The following RMST variants were observed in gnomAD, a reference collection of about 807,000 sequenced individuals.
RMST encodes the protein long intergenic non-protein coding RNA 54.
chr12:97,540,422 A>T lies in RMST; in HGVS notation n.1545+9563A>T, dbSNP rs534770691. On this transcript the variant is annotated intron_variant and non_coding_transcript_variant, in intron 11 of 13. Transcript: ENST00000640149. ...TTTTGGTTGGTTTATTGTCTGACCG[A>T]AGGAACTCTATAACATTTCACAAAG... Among the ~76,000 whole-genome samples the T allele has an allele frequency of 3.9e-3, 591 of 151,896 alleles. 3 individuals carry two copies. Among genetic ancestry groups the T allele is most frequent in the Non-Finnish European group, 6.8e-3 (458 of 67,772 alleles).
chr12:97,500,227 G>C (rs753355188), intron 10 of RMST, among the ~76,000 whole-genome samples: 4 of 152,178 alleles, frequency 2.6e-5, no homozygotes, highest in Non-Finnish European at 5.9e-5. Flanking sequence ...CTGGTAAACA[G>C]AAGCAGCCTG....
chr12:97,561,324 T>C (rs10860218), intron 13 of RMST, among the ~76,000 whole-genome samples: 36,443 of 152,136 alleles, frequency 0.24, 6,294 homozygotes, highest in African/African-American at 0.48. Flanking sequence ...TGTGAGTGCA[T>C]GTCCAGTAGT....
At chr12:97,502,322 C>G (rs1444451707) in intron 10 of RMST, among the ~76,000 whole-genome samples, 4 of 152,114 alleles carry the variant, frequency 2.6e-5, no homozygotes, top group Non-Finnish European at 5.9e-5. Flanking sequence ...TTATGGAGTG[C>G]ACACTTATGC....
Position 97,493,151 on chromosome 12 carries a change from C to T in RMST, n.791-26C>T, listed in dbSNP as rs947403008. 2.6e-5 allele frequency: 4 copies of T among 152,544 alleles called. 1 individual carries two copies. Among genetic ancestry groups the T allele is most frequent in the Non-Finnish European group, 5.9e-5 (4 of 68,030 alleles). The allele number at this position is 152,544 out of a possible 1,614,324, so 9.4% of individuals were successfully genotyped here. On this transcript the variant is annotated intron_variant and non_coding_transcript_variant, in intron 6 of 13. Coordinates refer to ENST00000640149, the Ensembl canonical transcript of RMST. ...ATGCTTAATTCATTCAGAAACTACA[C>T]GATTTTTGTTGCTATATTTTGTTAG...
chr12:97,534,620 C>T (rs980585546), intron 11 of RMST, among the ~76,000 whole-genome samples: 1 of 151,676 alleles, frequency 6.6e-6, no homozygotes, highest in Non-Finnish European at 1.5e-5. Context: ...TTATACTTTG[C>T]TAAATCCCAG....
At chr12:97,532,035 C>G (rs1158632688) in intron 11 of RMST, among the ~76,000 whole-genome samples, 2 of 151,710 alleles carry the variant, frequency 1.3e-5, no homozygotes, top group African/African-American at 2.4e-5. Flanking sequence ...AATTTTAAAG[C>G]CTTTCAGTGT....
intron 5 of RMST, among the ~76,000 whole-genome samples, chr12:97,485,167 C>A (rs1875933188): frequency 6.6e-6 from 1 of 152,168 alleles, no homozygotes; most frequent in Non-Finnish European, 1.5e-5. Context: ...AAATGGATAG[C>A]ATGGATTAAT....
rs533658687 is a variant in RMST, at chr12:97,545,799, C to G, written n.1546-14738C>G. On this transcript the variant is annotated intron_variant and non_coding_transcript_variant, in intron 11 of 13. Transcript: ENST00000640149. ...GCAAGTTCTAGTCTTATTTCTAACA[C>G]TGCAGGTTACCTATGACTCCACGTA... 2.6e-5 allele frequency among the ~76,000 whole-genome samples: 4 copies of G among 152,084 alleles called. No individual in the cohort carries two copies. In the South Asian group the frequency reaches 8.3e-4, roughly 32 times the overall value.
intron 10 of RMST, among the ~76,000 whole-genome samples, chr12:97,512,463 G>C (rs1879466085): frequency 6.6e-6 from 1 of 152,178 alleles, no homozygotes; most frequent in Non-Finnish European, 1.5e-5. Context: ...GAGCCAAGTG[G>C]TCTGTTTTGA....
At chr12:97,513,061 CGGAACTCGCGCAG>C (rs1879569755) in intron 10 of RMST, among the ~76,000 whole-genome samples, 2 of 152,236 alleles carry the variant, frequency 1.3e-5, no homozygotes, top group African/African-American at 4.8e-5. Flanking sequence ...CACGCCCACC[CGGAACTCGCGCAG>C]GCCCGCAAGC....
intron 11 of RMST, among the ~76,000 whole-genome samples, chr12:97,556,974 C>G (rs1185545760): frequency 6.6e-6 from 1 of 152,050 alleles, no homozygotes; most frequent in African/African-American, 2.4e-5. Context: ...TGCCAAAGTT[C>G]ATCTTCATAA....
chr12:97,563,997 G>T, intron 13 of RMST: 1 of 393,274 alleles, frequency 2.5e-6, no homozygotes. Context: ...GTATAGCTCT[G>T]CTACCTGCCT....
At chr12:97,539,583 C>T (rs757033030) in intron 11 of RMST, among the ~76,000 whole-genome samples, 12 of 151,538 alleles carry the variant, frequency 7.9e-5, no homozygotes, top group Non-Finnish European at 1.5e-4. Flanking sequence ...CAAAACGATG[C>T]CTGGGCACTT....
intron 5 of RMST, among the ~76,000 whole-genome samples, chr12:97,480,151 C>T: frequency 6.8e-6 from 1 of 147,930 alleles, no homozygotes. Context: ...AGTGCAGTGG[C>T]CTGATCTCGG....
intron 10 of RMST, among the ~76,000 whole-genome samples, chr12:97,511,075 AGAG>A (rs1879234086): frequency 6.6e-6 from 1 of 152,138 alleles, no homozygotes; most frequent in African/African-American, 2.4e-5. Context: ...AGACTGGAGC[AGAG>A]GAGGGAAATT....
intron 5 of RMST, among the ~76,000 whole-genome samples, chr12:97,468,079 C>G (rs1448028077): frequency 1.3e-5 from 2 of 151,974 alleles, no homozygotes; most frequent in African/African-American, 2.4e-5. Flanking sequence ...AAATATCACT[C>G]TGAGTTACTG....
At chr12:97,525,992 A>G (rs1881066837) in intron 10 of RMST, among the ~76,000 whole-genome samples, 1 of 151,978 alleles carries the variant, frequency 6.6e-6, no homozygotes, top group Non-Finnish European at 1.5e-5. Context: ...TGAGAATCTA[A>G]TGCCTGATGA....
intron 11 of RMST, among the ~76,000 whole-genome samples, chr12:97,552,809 G>A (rs1244135286): frequency 1.3e-5 from 2 of 152,172 alleles, no homozygotes; most frequent in Non-Finnish European, 2.9e-5. Flanking sequence ...GTTCATTTTA[G>A]TGCCTCTCGA....
intron 10 of RMST, among the ~76,000 whole-genome samples, chr12:97,509,238 G>T (rs1219599796): frequency 6.6e-6 from 1 of 152,110 alleles, no homozygotes; most frequent in Non-Finnish European, 1.5e-5. Context: ...TTCACCATAG[G>T]CATACAGCTG....
Sources: gnomAD v4.1 joint callset for allele counts (sites outside exome capture counted in the v4.1 genomes callset) on GRCh38, gnomAD v4.1.1 for gene constraint, MANE v1.5 for transcripts, NCBI Gene and HGNC (gene_info 2026-07-23, HGNC 2026-07-21) for gene names.